TSBP1: variants seen among roughly 807,000 people sequenced by gnomAD.
The protein encoded by TSBP1 is testis-expressed basic protein 1.
In TSBP1, 56 loss-of-function variants were observed where a neutral mutation model predicts 68.8. The observed-to-expected ratio is 0.81, with a 90% CI of 0.66 to 1.02. The LOEUF (loss-of-function observed/expected upper bound fraction) is 1.02, where lower values mean the gene tolerates loss of function less well. Ranked by LOEUF, TSBP1 falls within the 50% of genes least tolerant of loss-of-function variation. The pLI, the probability that TSBP1 is intolerant of heterozygous loss-of-function variation, is 0.00. For missense variants in TSBP1, 502 were observed against 641.2 expected (o/e 0.78, Z 2.34); for synonymous variants, 171 against 208.7 (o/e 0.82, Z 1.56).
rs1766778509 is a variant in TSBP1 at position 32,314,827 on chromosome 6, T to C, written c.580+945A>G. Among the ~76,000 whole-genome samples the C allele has an allele frequency of 6.6e-6, 1 of 152,156 alleles. No individual in the cohort carries two copies. The highest frequency in any genetic ancestry group is 1.5e-5 in the Non-Finnish European group (1 of 68,026). ...AAAAATTGGAAAATTTTACCTACTA[T>C]CTGGATTAAGTGAGATGCTTTGACA... On this transcript the variant is annotated intron_variant, in intron 19 of 22. Coordinates refer to ENST00000612031, the Ensembl canonical transcript of TSBP1. This position sits in a 1 kb window ranked among gnomAD's most constrained non-coding sequence, Gnocchi z 4.2.
intron 6 of TSBP1, among the ~76,000 whole-genome samples, chr6:32,362,391 G>C (rs6905601): frequency 0.77 from 116,695 of 151,898 alleles, 45,104 homozygotes; most frequent in South Asian, 0.9. Flanking sequence ...AGAGTCCCCA[G>C]TAGCAAGAAG....
Position 32,325,822 on chromosome 6 carries a change from G to T in TSBP1, c.515-2208C>A. 7.7e-7 allele frequency: 1 copy of T among 1,295,152 alleles called. No individual in the cohort carries two copies. Among genetic ancestry groups the T allele is most frequent in the Non-Finnish European group, 1.1e-6 (1 of 904,562 alleles). The allele number at this position is 1,295,152 out of a possible 1,614,324, so 80.2% of individuals were successfully genotyped here. A position where few individuals can be genotyped will look rare whatever the true frequency, so the allele number is the denominator to read the frequency against. On this transcript the variant is annotated intron_variant, in intron 16 of 22. Coordinates refer to ENST00000612031, the Ensembl canonical transcript of TSBP1. The surrounding 1 kb of genome is among the most constrained non-coding windows in gnomAD (Gnocchi z 4.4). ...AGGTCGAAGTGGTTCTGGAAACTTA[G>T]GTGGTGGTCATGGAGGTGGTTTCGG...
intron 14 of TSBP1, among the ~76,000 whole-genome samples, chr6:32,334,980 G>A (rs9378258): frequency 0.34 from 51,114 of 152,018 alleles, 9,646 homozygotes; most frequent in Middle Eastern, 0.52. Flanking sequence ...CTTGCAGTGA[G>A]TGGAGATCAT....
At chr6:32,349,517 G>T in intron 9 of TSBP1, 11 of 478,234 alleles carry the variant, frequency 2.3e-5, no homozygotes, top group South Asian at 7.9e-5. Flanking sequence ...TTCAGGTTTG[G>T]AAATTGCTCT....
intron 9 of TSBP1, among the ~76,000 whole-genome samples, chr6:32,348,775 T>C (rs1325524861): frequency 6.6e-6 from 1 of 152,160 alleles, no homozygotes; most frequent in Admixed American, 6.5e-5. Flanking sequence ...TATCTGTAAA[T>C]AGTCAAGAAA....
chr6:32,338,749 C>T lies in TSBP1; in HGVS notation c.409+230G>A, dbSNP rs1408888401. Among the ~76,000 whole-genome samples, 1 of 152,124 alleles carries T rather than the reference C, an allele frequency of 6.6e-6. No individual in the cohort carries two copies. The highest frequency in any genetic ancestry group is 1.5e-5 in the Non-Finnish European group (1 of 68,026). On this transcript the variant is annotated intron_variant, in intron 11 of 22. Transcript: ENST00000612031. The surrounding 1 kb of genome is among the most constrained non-coding windows in gnomAD (Gnocchi z 5.5). ...TCACTTGACCATTTTTTGTTCTTCA[C>T]TCTTTTCCCTTTGCTGTTGAATCTC...
At chr6:32,329,652 C>A (rs746867331) in intron 16 of TSBP1, among the ~76,000 whole-genome samples, 3 of 152,144 alleles carry the variant, frequency 2.0e-5, no homozygotes, top group Non-Finnish European at 4.4e-5. Flanking sequence ...CAGTGACCAA[C>A]CATATCTTTC....
At position 32,295,349 on chromosome 6, in the gene TSBP1, C is replaced by CAAAAAA. The variant is rs3038432; in HGVS notation, c.638-1320_638-1315dup. Among the ~76,000 whole-genome samples the CAAAAAA allele has an allele frequency of 1.2e-3, 108 of 90,568 alleles. 1 individual carries two copies. Among genetic ancestry groups the CAAAAAA allele is most frequent in the Admixed American group, 2.2e-3 (15 of 6,900 alleles). 59.4% of individuals were successfully genotyped at this position (90,568 alleles called of 152,430 possible). ...ATACTCCATCTCACACACACACACA[C>CAAAAAA]AAAAAAAAAAAAAAAAAAAAAGAAG... On this transcript the variant is annotated intron_variant, in intron 22 of 22. Transcript: ENST00000612031.
intron 18 of TSBP1, among the ~76,000 whole-genome samples, chr6:32,318,200 A>G (rs1767181420): frequency 6.6e-6 from 1 of 152,214 alleles, no homozygotes; most frequent in African/African-American, 2.4e-5. Flanking sequence ...ATGCAGGAAG[A>G]GAGAACCAAA....
intron 1 of TSBP1, among the ~76,000 whole-genome samples, chr6:32,370,407 G>GTGTGTGTGTGTGTA (rs1241237254): frequency 3.1e-5 from 4 of 130,688 alleles, no homozygotes; most frequent in Non-Finnish European, 6.6e-5. Context: ...AAGATTTTCT[G>GTGTGTGTGTGTGTA]TATATATATA....
chr6:32,369,975 A>G (rs1390877652), exon 2 of TSBP1: 11 of 1,611,228 alleles, frequency 6.8e-6, no homozygotes, highest in Non-Finnish European at 9.3e-6. Context: ...ATGACAGCCA[A>G]AGTTATTTCT....
At position 32,315,660 on chromosome 6, in the gene TSBP1, T is replaced by C. The variant is rs1766877187; in HGVS notation, c.580+112A>G. On this transcript the variant is annotated intron_variant, in intron 19 of 22. Transcript: ENST00000612031. The surrounding 1 kb of genome is among the most constrained non-coding windows in gnomAD (Gnocchi z 5.4). ...TCCTAATCTGGAGGACTTTGGGTAA[T>C]GTAGAAGCAAATGAATATGAGAAAT... is the stretch of plus-strand genomic sequence containing the variant. The C allele has an allele frequency of 6.0e-6, 4 of 666,298 alleles. No individual in the cohort carries two copies. Among genetic ancestry groups the C allele is most frequent in the Middle Eastern group, 2.5e-4 (1 of 3,942 alleles). The allele number at this position is 666,298 out of a possible 1,614,324, so 41.3% of individuals were successfully genotyped here. A position where few individuals can be genotyped will look rare whatever the true frequency, so the allele number is the denominator to read the frequency against.
At position 32,368,182 on chromosome 6, in the gene TSBP1, CAGAA is replaced by C. The variant is rs1396646681; in HGVS notation, c.134-229_134-226del. Among the ~76,000 whole-genome samples, 47 of 152,298 alleles carry C rather than the reference CAGAA, an allele frequency of 3.1e-4. 1 individual carries two copies. Among genetic ancestry groups the C allele is most frequent in the African/African-American group, 1.1e-3 (46 of 41,566 alleles). Reference sequence around the variant, plus strand: ...AATATTAGCCAGGCTAAATGATAGTCAGAAGGAGTTTCAGAGTTTCTTTTACCTC... The same window carrying C: ...AATATTAGCCAGGCTAAATGATAGTCGGAGTTTCAGAGTTTCTTTTACCTC... On this transcript the variant is annotated intron_variant, in intron 3 of 22. Transcript: ENST00000612031.
intron 22 of TSBP1, among the ~76,000 whole-genome samples, chr6:32,294,770 C>T (rs1764522272): frequency 6.6e-6 from 1 of 152,196 alleles, no homozygotes; most frequent in African/African-American, 2.4e-5. Context: ...GCAAAAATTT[C>T]AGGTCCTTTG....
chr6:32,365,224 A>G lies in TSBP1; in HGVS notation c.217+943T>C. The G allele has an allele frequency of 2.3e-6, 1 of 428,202 alleles. No homozygotes were observed. Among genetic ancestry groups the G allele is most frequent in the Non-Finnish European group, 4.7e-6 (1 of 214,240 alleles). The allele number at this position is 428,202 out of a possible 1,614,324, so 26.5% of individuals were successfully genotyped here. A position where few individuals can be genotyped will look rare whatever the true frequency, so the allele number is the denominator to read the frequency against. ...GATTTCTAAGATTGTGCTTTCTCTC[A>G]ATCCTGCAAAGCCAGTCCAGGTTCT... On this transcript the variant is annotated intron_variant, in intron 6 of 22. Coordinates refer to ENST00000612031, the Ensembl canonical transcript of TSBP1. This position sits in a 1 kb window ranked among gnomAD's most constrained non-coding sequence, Gnocchi z 4.3.
chr6:32,297,535 A>G (rs763704216), intron 22 of TSBP1, among the ~76,000 whole-genome samples: 9 of 152,214 alleles, frequency 5.9e-5, no homozygotes, highest in Non-Finnish European at 1.2e-4. Flanking sequence ...AGTGGTTGTC[A>G]GGGAGAGCAC....
chr6:32,346,575 T>A (rs1332529896), intron 9 of TSBP1, among the ~76,000 whole-genome samples: 9 of 152,154 alleles, frequency 5.9e-5, no homozygotes, highest in African/African-American at 2.2e-4. Context: ...CGGTGTCTCA[T>A]GCCTGTAACC....
intron 8 of TSBP1, among the ~76,000 whole-genome samples, chr6:32,350,858 G>C (rs1771636410): frequency 1.3e-5 from 2 of 152,130 alleles, no homozygotes; most frequent in Admixed American, 6.5e-5. Context: ...TGTGATGTGA[G>C]GACTTGATTC....
At chr6:32,308,052 G>C (rs1765948335) in intron 19 of TSBP1, among the ~76,000 whole-genome samples, 1 of 151,976 alleles carries the variant, frequency 6.6e-6, no homozygotes. Context: ...TGGAATTACA[G>C]GCATGAGCCA....
Sources: gnomAD v4.1 joint callset for allele counts (sites outside exome capture counted in the v4.1 genomes callset) on GRCh38, gnomAD v4.1.1 for gene constraint, Gnocchi (gnomAD v3.1) non-coding constraint, MANE v1.5 for transcripts, NCBI Gene and HGNC (gene_info 2026-07-23, HGNC 2026-07-21) for gene names.